HDAC4: variants seen among roughly 807,000 people sequenced by gnomAD.
HDAC4 encodes histone deacetylase 4.
HDAC4 carries 16 observed loss-of-function variants against 135.1 expected under a neutral mutation model. That is an observed-to-expected ratio of 0.12 (90% confidence interval 0.08 to 0.18). HDAC4 has a LOEUF of 0.18. HDAC4 is among the 10% of genes least tolerant of loss of function. The pLI is 1.00. For synonymous variants in HDAC4, 685 were observed against 653.4 expected (o/e 1.05, Z -0.74); for missense variants, 1,143 against 1,511.8 (o/e 0.76, Z 4.05).
At chr2:239,391,493 A>C (rs1254956694) in intron 1 of HDAC4, among the ~76,000 whole-genome samples, 1 of 152,102 alleles carries the variant, frequency 6.6e-6, no homozygotes, top group African/African-American at 2.4e-5. Context: ...ATTCCTCCCA[A>C]GACCTGCCAG....
chr2:239,101,132 G>A (rs568746000), intron 16 of HDAC4, among the ~76,000 whole-genome samples: 8 of 152,204 alleles, frequency 5.3e-5, no homozygotes, highest in African/African-American at 1.7e-4. Context: ...GCCACACCCC[G>A]GCCCACCTGC....
chr2:239,243,630 C>G (rs370129827), intron 2 of HDAC4, among the ~76,000 whole-genome samples: 1 of 152,180 alleles, frequency 6.6e-6, no homozygotes, highest in African/African-American at 2.4e-5. Context: ...GAAACAGTAA[C>G]GACACAGTCT....
chr2:239,307,850 G>C lies in HDAC4; in HGVS notation c.22+44828C>G, dbSNP rs2052679184. ...CACCCCACAGCCACTGTGGATTTGG[G>C]GACTGTCACACACGTCTCCACGCAC... is the stretch of plus-strand genomic sequence containing the variant. On this transcript the variant is annotated intron_variant, in intron 2 of 26. Transcript: ENST00000543185. The surrounding 1 kb of genome is among the most constrained non-coding windows in gnomAD (Gnocchi z 4.8). 6.6e-6 allele frequency among the ~76,000 whole-genome samples: 1 copy of C among 152,118 alleles called. No homozygotes were observed. The highest frequency in any genetic ancestry group is 2.1e-4 in the South Asian group (1 of 4,836).
chr2:239,055,735 G>GTTTA (rs2031735594), intron 24 of HDAC4, among the ~76,000 whole-genome samples: 1 of 150,060 alleles, frequency 6.7e-6, no homozygotes, highest in African/African-American at 2.5e-5. Context: ...AAAAAAAAAG[G>GTTTA]TTGAAATGGA....
At chr2:239,144,388 CTTAGACATGCCGGAGTCATCAA>C (rs1408806936) in intron 8 of HDAC4, among the ~76,000 whole-genome samples, 173 bp downstream of exon 8, 3 of 152,200 alleles carry the variant, frequency 2.0e-5, no homozygotes, top group Non-Finnish European at 2.9e-5. Context: ...CAGGGCCCGG[CTTAGACATGCCGGAGTCATCAA>C]ACCTGGTCCC....
rs1575079732 is a variant in HDAC4, at chr2:239,115,385, G to A, written c.1534-75C>T. 2 of 1,576,808 alleles carry A rather than the reference G, an allele frequency of 1.3e-6. No homozygotes were observed. Among genetic ancestry groups the A allele is most frequent in the South Asian group, 2.2e-5 (2 of 89,548 alleles). On this transcript the variant is annotated intron_variant, in intron 12 of 26. Transcript: ENST00000543185. The surrounding 1 kb of genome is among the most constrained non-coding windows in gnomAD (Gnocchi z 6.3). ...CTCATCTGACAGGAGAAGGGATGCT[G>A]CAAACCCCACCCTCTGGGGCAGACA...
chr2:239,061,410 G>A (rs1035632115), intron 24 of HDAC4, among the ~76,000 whole-genome samples: 7 of 151,766 alleles, frequency 4.6e-5, no homozygotes, highest in African/African-American at 1.7e-4. Flanking sequence ...GCATGCACAA[G>A]AGGGTGTGTG....
intron 14 of HDAC4, among the ~76,000 whole-genome samples, chr2:239,110,331 C>T (rs1040902858): frequency 8.5e-5 from 13 of 152,182 alleles, no homozygotes; most frequent in Non-Finnish European, 1.5e-4. Flanking sequence ...AGGACACCAA[C>T]GAAGCGGGAC....
At chr2:239,120,382 G>GGCTCACACAGAC (rs2039537943) in intron 12 of HDAC4, among the ~76,000 whole-genome samples, 1 of 149,956 alleles carries the variant, frequency 6.7e-6, no homozygotes, top group African/African-American at 2.5e-5. Flanking sequence ...TACCCGCAGA[G>GGCTCACACAGAC]GCACACACAG....
At chr2:239,297,199 G>A (rs1017351126) in intron 2 of HDAC4, among the ~76,000 whole-genome samples, 1 of 152,178 alleles carries the variant, frequency 6.6e-6, no homozygotes, top group Non-Finnish European at 1.5e-5. Flanking sequence ...CAATCACAAA[G>A]GTGCCTGAGC....
At chr2:239,117,615 G>A (rs1261697358) in intron 12 of HDAC4, among the ~76,000 whole-genome samples, 4 of 150,096 alleles carry the variant, frequency 2.7e-5, no homozygotes, top group Non-Finnish European at 5.9e-5. Flanking sequence ...GGGGTCTGGA[G>A]TTAGACTAGG....
Position 239,068,876 on chromosome 2 carries a change from TG to T in HDAC4, c.2751-270del, listed in dbSNP as rs1398047975. ...CTTGCTTGGTGAGAGGGAGTCACGGTGCAAGCCAGCAAGCCCCACTGCACTT... is the reference window on the plus strand; with the variant it reads ...CTTGCTTGGTGAGAGGGAGTCACGGTCAAGCCAGCAAGCCCCACTGCACTT... On this transcript the variant is annotated intron_variant, in intron 22 of 26. Coordinates refer to ENST00000543185, the MANE Select transcript of HDAC4 (RefSeq NM_001378414.1). This position sits in a 1 kb window ranked among gnomAD's most constrained non-coding sequence, Gnocchi z 4.4. The T allele has an allele frequency of 1.1e-5, 5 of 441,906 alleles. No individual in the cohort carries two copies. The highest frequency in any genetic ancestry group is 1.0e-4 in the African/African-American group (5 of 48,576). 27.4% of individuals were successfully genotyped at this position (441,906 alleles called of 1,614,324 possible). A position where few individuals can be genotyped will look rare whatever the true frequency, so the allele number is the denominator to read the frequency against.
chr2:239,374,337 A>C (rs972866119), intron 1 of HDAC4, among the ~76,000 whole-genome samples: 3 of 142,244 alleles, frequency 2.1e-5, no homozygotes, highest in Non-Finnish European at 3.0e-5. Flanking sequence ...AATGATGACG[A>C]GGGTGACCAG....
chr2:239,217,719 A>G (rs1387368662), intron 3 of HDAC4, among the ~76,000 whole-genome samples: 1 of 152,170 alleles, frequency 6.6e-6, no homozygotes, highest in Non-Finnish European at 1.5e-5. Flanking sequence ...AAGAAACCAC[A>G]CACACCAGAC....
chr2:239,376,805 A>T (rs4852061), intron 1 of HDAC4, among the ~76,000 whole-genome samples: 92,000 of 151,690 alleles, frequency 0.61, 28,549 homozygotes, highest in East Asian at 0.9. Flanking sequence ...TACGGCTGGG[A>T]GGCAGGGTCT....
At chr2:239,113,635 T>C (rs148290909) in intron 13 of HDAC4, among the ~76,000 whole-genome samples, 1 of 152,320 alleles carries the variant, frequency 6.6e-6, no homozygotes, top group Non-Finnish European at 1.5e-5. Context: ...TATGAGAAAC[T>C]AGCCCTAAAA....
At chr2:239,112,273 C>A (rs955542761) in intron 13 of HDAC4, among the ~76,000 whole-genome samples, 3 of 152,200 alleles carry the variant, frequency 2.0e-5, no homozygotes, top group African/African-American at 7.2e-5. Flanking sequence ...GAAGCCCAAC[C>A]CCCTTGTTGG....
intron 17 of HDAC4, among the ~76,000 whole-genome samples, chr2:239,093,259 C>T (rs999880507): frequency 6.6e-6 from 1 of 152,224 alleles, no homozygotes; most frequent in African/African-American, 2.4e-5. Context: ...CCCCACTGTT[C>T]TGCCTCCGGG....
At chr2:239,158,072 G>A (rs552077253) in intron 6 of HDAC4, among the ~76,000 whole-genome samples, 1 of 152,256 alleles carries the variant, frequency 6.6e-6, no homozygotes, top group African/African-American at 2.4e-5. Flanking sequence ...GGACACGCCT[G>A]TCTGCACCTG....
Sources: allele counts gnomAD v4.1 joint callset (sites outside exome capture counted in the v4.1 genomes callset), GRCh38; gene constraint gnomAD v4.1.1; non-coding constraint Gnocchi (gnomAD v3.1); transcripts MANE v1.5; gene names NCBI Gene and HGNC (gene_info 2026-07-23, HGNC 2026-07-21).